The following GNE variants were observed in gnomAD, a reference collection of about 807,000 sequenced individuals.
The protein encoded by GNE is bifunctional UDP-N-acetylglucosamine 2-epimerase/N-acetylmannosamine kinase.
Under a neutral mutation model 61.8 loss-of-function variants are expected in GNE, and 41 were observed. The ratio of observed to expected loss-of-function variants is 0.66; its 90% CI spans 0.52 to 0.86. The LOEUF is 0.86. Ranked by LOEUF, GNE falls within the 40% of genes least tolerant of loss-of-function variation. GNE has a pLI of 0.00. For synonymous variants in GNE, 264 were observed against 326.4 expected, an observed-to-expected ratio of 0.81 and a Z score of 2.06; for missense variants, 608 against 909.1, an observed-to-expected ratio of 0.67 and a Z score of 4.26.
chr9:36,272,755 T>C (rs1831082538), intron 1 of GNE, among the ~76,000 whole-genome samples: 1 of 150,504 alleles, frequency 6.6e-6, no homozygotes, highest in Admixed American at 6.6e-5. Context: ...AAATAGAGAA[T>C]GAGAGGATTG....
chr9:36,222,823 G>A lies in GNE; in HGVS notation c.1587C>T (p.Gly529=). ...NCAALAERKF[G]QGKGLENFVT... ...CAAAGTTTTCCAGTCCCTTTCCTTG[G>A]CCAAATTTCCTTTCCGCCAGGGCAG... Residue 529 remains glycine (G), a synonymous_variant, in exon 9 of 12, where the codon GGC becomes GGT. Transcript: ENST00000642385. 6.2e-7 allele frequency: 1 copy of A among 1,614,074 alleles called. No homozygotes were observed. The highest frequency in any genetic ancestry group is 1.1e-5 in the South Asian group (1 of 91,072).
chr9:36,242,180 T>G (rs533426879), intron 3 of GNE, among the ~76,000 whole-genome samples: 1 of 151,852 alleles, frequency 6.6e-6, no homozygotes, highest in East Asian at 1.9e-4. Context: ...AAAAAAGAAG[T>G]TGCATATCAA....
At chr9:36,254,262 C>T (rs546995830) in intron 1 of GNE, among the ~76,000 whole-genome samples, 2 of 151,710 alleles carry the variant, frequency 1.3e-5, no homozygotes, top group South Asian at 2.1e-4. Flanking sequence ...CATGGTGGCT[C>T]ATGCCTGTAA....
intron 1 of GNE, among the ~76,000 whole-genome samples, chr9:36,253,690 C>T (rs1009853507): frequency 6.6e-6 from 1 of 151,988 alleles, no homozygotes; most frequent in African/African-American, 2.4e-5. Context: ...AAATTGCTGG[C>T]CATCAGCTTT....
intron 1 of GNE, among the ~76,000 whole-genome samples, chr9:36,255,155 T>C (rs1830280327): frequency 6.6e-6 from 1 of 152,248 alleles, no homozygotes; most frequent in Non-Finnish European, 1.5e-5. Flanking sequence ...TTTACTGTTC[T>C]TTGTAAAATA....
At chr9:36,265,044 C>T (rs1259604398) in intron 1 of GNE, 2 of 295,124 alleles carry the variant, frequency 6.8e-6, no homozygotes, top group Non-Finnish European at 1.3e-5. Flanking sequence ...GTCGCAGACC[C>T]GCCGCTGACT....
rs144485929 is a variant in GNE, at chr9:36,227,633, G to T, written c.1071-175C>A. On this transcript the variant is annotated intron_variant, in intron 6 of 11. Coordinates refer to ENST00000642385, the MANE Select transcript of GNE (RefSeq NM_005476.7). Reference sequence around the variant, plus strand: ...TCACACCTGTAATCCCAGCACTTTGGGGGGCTGAGGCAGGAAGATTGCTTG... The same window carrying T: ...TCACACCTGTAATCCCAGCACTTTGTGGGGCTGAGGCAGGAAGATTGCTTG... Among the ~76,000 whole-genome samples, 1,202 of 152,260 alleles carry T rather than the reference G, an allele frequency of 7.9e-3. 18 individuals carry two copies. The highest frequency in any genetic ancestry group is 0.027 in the African/African-American group (1,138 of 41,542).
chr9:36,269,771 C>T (rs1421662042), intron 1 of GNE, among the ~76,000 whole-genome samples: 4 of 150,016 alleles, frequency 2.7e-5, no homozygotes, highest in Non-Finnish European at 4.4e-5. Context: ...AAGCGATTCT[C>T]CTGCCTCAGC....
intron 7 of GNE, 94 bp downstream of exon 7, chr9:36,227,152 GTA>G (rs1266850849): frequency 2.4e-5 from 18 of 764,190 alleles, no homozygotes; most frequent in Non-Finnish European, 4.0e-5. Context: ...AAGCTCTTGT[GTA>G]TGTTTCTAGT....
intron 1 of GNE, among the ~76,000 whole-genome samples, chr9:36,269,330 T>A (rs1461079046): frequency 6.6e-6 from 1 of 151,930 alleles, no homozygotes; most frequent in Non-Finnish European, 1.5e-5. Flanking sequence ...GTACTCATTC[T>A]TTCAGAAATT....
In GNE at chr9:36,246,338, C is replaced by A. The variant is rs1376412978; in HGVS notation, c.309G>T (p.Lys103Asn). Residue 103 changes from lysine (K) to asparagine (N), a missense_variant, in exon 3 of 12, where the codon AAG (lysine) becomes AAT (asparagine). Lys to Asn is a moderately conservative substitution (Grantham distance 94). Coordinates refer to ENST00000642385, the MANE Select transcript of GNE (RefSeq NM_005476.7). ...CTCCATGAACAATCATGATATCAGG[C>A]TTCAGGCGATTAAGGACATCTGGCA... ...VKLPDVLNRLKPDIMIVHGDR... is the reference protein window; with the variant it reads ...VKLPDVLNRLNPDIMIVHGDR... The A allele has an allele frequency of 3.1e-6, 5 of 1,614,152 alleles. No homozygotes were observed. Among genetic ancestry groups the A allele is most frequent in the Non-Finnish European group, 4.2e-6 (5 of 1,180,006 alleles).
At chr9:36,262,837 T>C (rs1389938960), upstream of GNE, among the ~76,000 whole-genome samples, 2 of 152,210 alleles carry the variant, frequency 1.3e-5, no homozygotes, top group Non-Finnish European at 2.9e-5. Flanking sequence ...GATTTAATTA[T>C]TTTAAAGTAC....
chr9:36,224,593 C>A (rs1251937992), intron 7 of GNE, among the ~76,000 whole-genome samples: 1 of 149,166 alleles, frequency 6.7e-6, no homozygotes, highest in African/African-American at 2.5e-5. Flanking sequence ...ATATGGCCGG[C>A]CGTGGTGGCT....
At chr9:36,255,772 C>T (rs1830303469) in intron 1 of GNE, among the ~76,000 whole-genome samples, 1 of 152,154 alleles carries the variant, frequency 6.6e-6, no homozygotes, top group Non-Finnish European at 1.5e-5. Flanking sequence ...CTCTTCAATT[C>T]TATAATTGTA....
At chr9:36,274,281 A>G (rs981712836) in intron 1 of GNE, among the ~76,000 whole-genome samples, 9 of 151,940 alleles carry the variant, frequency 5.9e-5, no homozygotes, top group African/African-American at 2.2e-4. Context: ...ATTTTTTTAG[A>G]ACTAGGGTCT....
intron 7 of GNE, among the ~76,000 whole-genome samples, chr9:36,223,712 T>C (rs1385671427): frequency 2.0e-5 from 3 of 151,966 alleles, no homozygotes; most frequent in African/African-American, 7.3e-5. Flanking sequence ...TATGGGGCTG[T>C]TGAAGCAATG....
At position 36,216,990 on chromosome 9, in the gene GNE, A is replaced by G. The variant is rs1050106096; in HGVS notation, c.*375T>C. On this transcript the variant is annotated 3_prime_UTR_variant, in exon 12 of 12. Transcript: ENST00000642385. ...CCCGGCCTGGAAGGATTATTAATGC[A>G]AACTTCAGGATGAAGTGATATCCCA... 6.3e-6 allele frequency: 2 copies of G among 318,124 alleles called. No homozygotes were observed. Among genetic ancestry groups the G allele is most frequent in the African/African-American group, 4.3e-5 (2 of 46,344 alleles). The allele number at this position is 318,124 out of a possible 1,614,324, so 19.7% of individuals were successfully genotyped here.
intron 1 of GNE, among the ~76,000 whole-genome samples, chr9:36,252,170 A>C (rs1240396882): frequency 6.6e-6 from 1 of 152,024 alleles, no homozygotes; most frequent in Non-Finnish European, 1.5e-5. Flanking sequence ...TATTTTTAGT[A>C]GACATGGGGT....
At chr9:36,233,390 G>C (rs1056894143) in intron 5 of GNE, among the ~76,000 whole-genome samples, 42 of 152,184 alleles carry the variant, frequency 2.8e-4, no homozygotes, top group African/African-American at 9.7e-4. Flanking sequence ...ACTTAGGCTG[G>C]GCGCGGTGGC....
Sources: allele counts gnomAD v4.1 joint callset (sites outside exome capture counted in the v4.1 genomes callset), GRCh38; gene constraint gnomAD v4.1.1; transcripts MANE v1.5; gene names NCBI Gene and HGNC (gene_info 2026-07-23, HGNC 2026-07-21).